CDH26: variants seen among roughly 807,000 people sequenced by gnomAD.
CDH26 encodes the protein cadherin-like protein 26.
In CDH26, 83 loss-of-function variants were observed where a neutral mutation model predicts 90.3. The ratio of observed to expected loss-of-function variants is 0.92; its 90% CI spans 0.77 to 1.10. The LOEUF (loss-of-function observed/expected upper bound fraction) is 1.10. Among genes scored for constraint, CDH26 ranks in the 50% least tolerant of loss-of-function variants. The pLI, the probability that CDH26 is intolerant of heterozygous loss-of-function variation, is 0.00. For missense variants in CDH26, 1,013 were observed against 1,037.6 expected, an observed-to-expected ratio of 0.98 and a Z score of 0.33; for synonymous variants, 397 against 396.3, an observed-to-expected ratio of 1.00 and a Z score of -0.02.
At chr20:59,982,379 C>T (rs2061405410) in intron 4 of CDH26, among the ~76,000 whole-genome samples, 1 of 152,040 alleles carries the variant, frequency 6.6e-6, no homozygotes, top group African/African-American at 2.4e-5. Context: ...GATTTGAGAC[C>T]ATTTGAAGTG....
Position 60,030,733 on chromosome 20 carries a change from A to G in CDH26, c.948-498A>G, listed in dbSNP as rs1221307697. ...GGAAGAGGCAGAGTGGTTGGGGGCC[A>G]CCAGATGTGGGAAGCATGGAAGTGA... On this transcript the variant is annotated intron_variant, in intron 7 of 8. Transcript: ENST00000370991. The surrounding 1 kb of genome is among the most constrained non-coding windows in gnomAD (Gnocchi z 4.0). 1.3e-5 allele frequency among the ~76,000 whole-genome samples: 2 copies of G among 152,140 alleles called. No individual in the cohort carries two copies. Among genetic ancestry groups the G allele is most frequent in the Non-Finnish European group, 2.9e-5 (2 of 68,028 alleles).
chr20:60,012,780 C>A lies in CDH26; in HGVS notation c.*50C>A. 6.4e-7 allele frequency: 1 copy of A among 1,566,730 alleles called. No homozygotes were observed. On this transcript the variant is annotated 3_prime_UTR_variant, in exon 18 of 18. Transcript: ENST00000348616. ...TGAAATAATTCATGGAAGGGAATCA[C>A]TATTCAGGGATTTTTCCCCTTTGCT...
At chr20:60,028,085 A>G (rs2062012797) in intron 7 of CDH26, among the ~76,000 whole-genome samples, 1 of 152,144 alleles carries the variant, frequency 6.6e-6, no homozygotes. Context: ...TAAGTTCTGC[A>G]CTGTTTTGCC....
intron 17 of CDH26, among the ~76,000 whole-genome samples, chr20:60,009,851 A>T (rs1024861668): frequency 6.6e-6 from 1 of 152,076 alleles, no homozygotes; most frequent in Non-Finnish European, 1.5e-5. Context: ...GTCGCTAATT[A>T]TCTATTCAGC....
chr20:60,029,928 A>G (rs553175755), intron 7 of CDH26, among the ~76,000 whole-genome samples: 64 of 152,160 alleles, frequency 4.2e-4, no homozygotes, highest in Non-Finnish European at 6.6e-4. Context: ...TAAATAAATG[A>G]ATAAATGAAT....
At chr20:59,965,248 T>C (rs897943361) in intron 1 of CDH26, among the ~76,000 whole-genome samples, 9 of 152,164 alleles carry the variant, frequency 5.9e-5, no homozygotes, top group African/African-American at 2.2e-4. Context: ...GCCTCTTGTA[T>C]TGTAATGTGA....
chr20:60,031,597 G>T (rs1229037517), intron 8 of CDH26, among the ~76,000 whole-genome samples: 1 of 152,192 alleles, frequency 6.6e-6, no homozygotes, highest in Non-Finnish European at 1.5e-5. Context: ...ACAGAATTCT[G>T]CTTGTAATTC....
At chr20:59,994,627 C>A in intron 11 of CDH26, 138 bp downstream of exon 11, 1 of 1,062,300 alleles carries the variant, frequency 9.4e-7, no homozygotes, top group Non-Finnish European at 1.3e-6. Context: ...TCTAGGTGCT[C>A]AAAGGATATC....
intron 17 of CDH26, among the ~76,000 whole-genome samples, chr20:60,010,497 C>G (rs550113254): frequency 2.5e-4 from 38 of 152,268 alleles, no homozygotes; most frequent in Admixed American, 1.2e-3. Flanking sequence ...AGTCCCTCTC[C>G]CCTCCCCTCC....
chr20:60,005,151 TTC>T (rs1432088724), intron 16 of CDH26, among the ~76,000 whole-genome samples: 4 of 152,210 alleles, frequency 2.6e-5, no homozygotes, highest in African/African-American at 9.7e-5. Context: ...TAATGACATT[TTC>T]TTTCTTCTAG....
Position 59,991,932 on chromosome 20 carries a change from T to C in CDH26, c.1284-446T>C, listed in dbSNP as rs576231862. Among the ~76,000 whole-genome samples, 26 of 152,284 alleles carry C rather than the reference T, an allele frequency of 1.7e-4. 1 individual carries two copies. In the East Asian group the frequency reaches 3.7e-3, roughly 21 times the overall value. ...GGATGTAGAAGACCACTTTGAGGAATAGGGTTACCCAACTGTGAACTGCCA... is the reference window on the plus strand; with the variant it reads ...GGATGTAGAAGACCACTTTGAGGAACAGGGTTACCCAACTGTGAACTGCCA... On this transcript the variant is annotated intron_variant, in intron 9 of 17. Coordinates refer to ENST00000348616, the MANE Select transcript of CDH26 (RefSeq NM_177980.4).
At chr20:60,005,426 A>T (rs1411679372) in intron 16 of CDH26, among the ~76,000 whole-genome samples, 1 of 152,170 alleles carries the variant, frequency 6.6e-6, no homozygotes, top group African/African-American at 2.4e-5. Flanking sequence ...AGGCATGAGT[A>T]TGCATATATG....
chr20:60,026,545 A>G (rs1278712771), intron 7 of CDH26, among the ~76,000 whole-genome samples: 1 of 152,194 alleles, frequency 6.6e-6, no homozygotes, highest in African/African-American at 2.4e-5. Flanking sequence ...AGGAATGTGG[A>G]TGGCCTCCAG....
chr20:60,033,097 C>T (rs1316350820), intron 8 of CDH26, among the ~76,000 whole-genome samples: 2 of 152,176 alleles, frequency 1.3e-5, no homozygotes, highest in African/African-American at 2.4e-5. Flanking sequence ...AGAGCATTGG[C>T]TTTGGTTTGG....
intron 3 of CDH26, 26 bp downstream of exon 3, chr20:59,970,212 A>ACCC: frequency 9.9e-6 from 16 of 1,609,202 alleles, no homozygotes; most frequent in Non-Finnish European, 1.4e-5. Context: ...TTAAGGAATG[A>ACCC]CCCCATCATG....
At chr20:59,978,860 T>G (rs1026289850) in intron 4 of CDH26, among the ~76,000 whole-genome samples, 1 of 152,212 alleles carries the variant, frequency 6.6e-6, no homozygotes, top group African/African-American at 2.4e-5. Context: ...TTTAATAACT[T>G]CTTTGACAAT....
chr20:59,983,240 C>T (rs1201062196), intron 5 of CDH26, among the ~76,000 whole-genome samples, 170 bp downstream of exon 5: 1 of 152,096 alleles, frequency 6.6e-6, no homozygotes, highest in African/African-American at 2.4e-5. Flanking sequence ...GTCCGTAAGC[C>T]TCATTTTGTA....
In CDH26 at chr20:59,996,726, A is replaced by G; in HGVS notation, c.1984A>G (p.Met662Val). The change falls in exon 13 of 18, where the codon ATG becomes GTG. Residue 662 changes from methionine to valine, a missense_variant. By Grantham distance (21) the Met-to-Val change is conservative (BLOSUM62 1). Transcript: ENST00000348616. ...TGATGAAGGCCACCAAACACTGGTCATGTATAATGCGGAGAGCAAAGGCAC... is the reference window on the plus strand; with the variant it reads ...TGATGAAGGCCACCAAACACTGGTCGTGTATAATGCGGAGAGCAAAGGCAC... ...SNDEGHQTLVMYNAESKGTSA... is the reference protein window; with the variant it reads ...SNDEGHQTLVVYNAESKGTSA... 2 of 1,614,238 alleles carry G rather than the reference A, an allele frequency of 1.2e-6. No individual in the cohort carries two copies.
chr20:60,000,154 G>T (rs1402634784), intron 14 of CDH26, among the ~76,000 whole-genome samples: 1 of 152,220 alleles, frequency 6.6e-6, no homozygotes, highest in Non-Finnish European at 1.5e-5. Context: ...ACTGCCAAAG[G>T]CCCGGGGCCC....
Sources: allele counts gnomAD v4.1 joint callset (sites outside exome capture counted in the v4.1 genomes callset), GRCh38; gene constraint gnomAD v4.1.1; non-coding constraint Gnocchi (gnomAD v3.1); transcripts MANE v1.5; gene names NCBI Gene and HGNC (gene_info 2026-07-23, HGNC 2026-07-21).